Variants in ZDHHC14 observed in about 807,000 individuals in gnomAD.
ZDHHC14 encodes palmitoyltransferase ZDHHC14.
A neutral mutation model predicts 47.7 loss-of-function variants in ZDHHC14; 16 were observed. The observed-to-expected ratio is 0.34, with a 90% CI of 0.23 to 0.51. The LOEUF (loss-of-function observed/expected upper bound fraction) is 0.51. Ranked by LOEUF, ZDHHC14 falls within the 20% of genes least tolerant of loss-of-function variation. ZDHHC14 has a pLI of 0.97. For synonymous variants in ZDHHC14, 293 were observed against 278.9 expected (o/e 1.05, Z -0.50); for missense variants, 515 against 662.5 (o/e 0.78, Z 2.44).
At chr6:157,554,060 A>G (rs530739065) in intron 2 of ZDHHC14, among the ~76,000 whole-genome samples, 2 of 152,376 alleles carry the variant, frequency 1.3e-5, no homozygotes, top group South Asian at 4.1e-4. Context: ...CCATTTATTC[A>G]GAAACTGTAG....
chr6:157,451,499 C>T (rs976438690), intron 1 of ZDHHC14, among the ~76,000 whole-genome samples: 4 of 152,186 alleles, frequency 2.6e-5, no homozygotes, highest in Non-Finnish European at 5.9e-5. Flanking sequence ...ATTCAGTAAC[C>T]ATCCACTAAT....
intron 1 of ZDHHC14, among the ~76,000 whole-genome samples, chr6:157,389,425 T>A (rs184873584): frequency 3.3e-4 from 51 of 152,344 alleles, no homozygotes; most frequent in African/African-American, 1.2e-3. Context: ...AATACAGTAA[T>A]GGCATCAGTT....
intron 1 of ZDHHC14, among the ~76,000 whole-genome samples, chr6:157,522,835 CCCTT>C (rs1582883447): frequency 7.2e-4 from 18 of 25,110 alleles, no homozygotes; most frequent in African/African-American, 1.7e-3. Flanking sequence ...CTCCCTCCCT[CCCTT>C]CCTTCCTTCC....
intron 1 of ZDHHC14, among the ~76,000 whole-genome samples, chr6:157,490,870 A>T (rs1032709549): frequency 6.6e-6 from 1 of 152,182 alleles, no homozygotes; most frequent in African/African-American, 2.4e-5. Flanking sequence ...GGCACTTTGG[A>T]GGGAGCTCTG....
intron 1 of ZDHHC14, among the ~76,000 whole-genome samples, chr6:157,465,581 C>A (rs984049598): frequency 5.3e-5 from 8 of 151,836 alleles, no homozygotes; most frequent in African/African-American, 1.9e-4. Flanking sequence ...TAGTTAATGC[C>A]GTTCTATTTA....
rs147201658 is a variant in ZDHHC14 at position 157,470,477 on chromosome 6, T to A, written c.246-72108T>A. On this transcript the variant is annotated intron_variant, in intron 1 of 8. Transcript: ENST00000359775. ...TATGTATCAACATGTAAAATGCCCATGATAGTATATGGATTGAAAAAGTGT... is the reference window on the plus strand; with the variant it reads ...TATGTATCAACATGTAAAATGCCCAAGATAGTATATGGATTGAAAAAGTGT... 4.6e-3 allele frequency among the ~76,000 whole-genome samples: 702 copies of A among 152,262 alleles called. 7 individuals are homozygous for A. Among genetic ancestry groups the A allele is most frequent in the East Asian group, 0.017 (87 of 5,182 alleles).
intron 3 of ZDHHC14, among the ~76,000 whole-genome samples, chr6:157,608,666 C>G (rs1784639124): frequency 2.6e-5 from 4 of 152,204 alleles, no homozygotes. Context: ...AGGGCTGCAA[C>G]AGGCCAGGGG....
intron 2 of ZDHHC14, among the ~76,000 whole-genome samples, chr6:157,589,311 T>C (rs111883538): frequency 0.26 from 40,017 of 151,922 alleles, 5,421 homozygotes; most frequent in Middle Eastern, 0.37. Flanking sequence ...TCCTCTGACA[T>C]TGGGGATTAC....
intron 1 of ZDHHC14, among the ~76,000 whole-genome samples, chr6:157,417,110 G>A (rs1777997097): frequency 6.7e-6 from 1 of 149,152 alleles, no homozygotes; most frequent in African/African-American, 2.5e-5. Flanking sequence ...TCACAGGCAT[G>A]AGCCACCGCG....
chr6:157,635,771 C>T (rs963165977), intron 5 of ZDHHC14, among the ~76,000 whole-genome samples: 1 of 152,118 alleles, frequency 6.6e-6, no homozygotes, highest in Non-Finnish European at 1.5e-5. Context: ...TGGCCGTGCC[C>T]GGAGCCTGCA....
chr6:157,614,708 C>T (rs2114928492), intron 3 of ZDHHC14, among the ~76,000 whole-genome samples: 2 of 152,208 alleles, frequency 1.3e-5, no homozygotes, highest in South Asian at 4.1e-4. Flanking sequence ...GACCTGCTTC[C>T]TCACACGGGG....
At chr6:157,643,892 G>A (rs976410863) in intron 5 of ZDHHC14, among the ~76,000 whole-genome samples, 13 of 151,632 alleles carry the variant, frequency 8.6e-5, no homozygotes, top group African/African-American at 2.4e-4. Context: ...TACCTGGGTC[G>A]TAAACTCTTG....
rs1171821046 is a variant in ZDHHC14 at position 157,540,888 on chromosome 6, ATGTGTGTG to A, written c.246-1681_246-1674del. Among the ~76,000 whole-genome samples the A allele has an allele frequency of 7.1e-5, 9 of 127,592 alleles. 1 individual carries two copies. The East Asian group carries it at 1.7e-3, about 24-fold the overall frequency. 83.7% of individuals were successfully genotyped at this position (127,592 alleles called of 152,430 possible). A position where few individuals can be genotyped will look rare whatever the true frequency, so the allele number is the denominator to read the frequency against. On this transcript the variant is annotated intron_variant, in intron 1 of 8. Coordinates refer to ENST00000359775, the MANE Select transcript of ZDHHC14 (RefSeq NM_024630.3). Reference sequence around the variant, plus strand: ...AACATATATAGATATATATGTATGTATGTGTGTGTGTGTGTGTGTGTGTATATATATAT... The same window carrying A: ...AACATATATAGATATATATGTATGTATGTGTGTGTGTGTGTATATATATAT...
chr6:157,522,382 G>T (rs538094172), intron 1 of ZDHHC14, among the ~76,000 whole-genome samples: 3 of 152,272 alleles, frequency 2.0e-5, no homozygotes, highest in Non-Finnish European at 2.9e-5. Context: ...TGAGAAACTG[G>T]TACATCTAGG....
intron 1 of ZDHHC14, among the ~76,000 whole-genome samples, chr6:157,428,206 C>A (rs1210992698): frequency 1.3e-5 from 2 of 152,136 alleles, no homozygotes; most frequent in African/African-American, 2.4e-5. Context: ...TGGGTGGCAG[C>A]AACACAGTAG....
chr6:157,415,582 G>T (rs1777956756), intron 1 of ZDHHC14, among the ~76,000 whole-genome samples: 1 of 152,194 alleles, frequency 6.6e-6, no homozygotes, highest in Non-Finnish European at 1.5e-5. Flanking sequence ...TGGATTAAAA[G>T]TTGGTGGCAA....
intron 1 of ZDHHC14, among the ~76,000 whole-genome samples, chr6:157,438,054 T>C (rs902544742): frequency 2.0e-5 from 3 of 152,198 alleles, no homozygotes; most frequent in Admixed American, 6.5e-5. Context: ...AATTTACAAT[T>C]TTAATCATTT....
At chr6:157,544,474 C>A (rs1361983394) in intron 2 of ZDHHC14, among the ~76,000 whole-genome samples, 1 of 152,100 alleles carries the variant, frequency 6.6e-6, no homozygotes, top group Non-Finnish European at 1.5e-5. Flanking sequence ...CTGGTGAAAC[C>A]CCATCTCTAC....
intron 1 of ZDHHC14, among the ~76,000 whole-genome samples, chr6:157,512,203 C>A (rs1780517342): frequency 6.6e-6 from 1 of 152,194 alleles, no homozygotes; most frequent in Non-Finnish European, 1.5e-5. Context: ...GCTAAAGTCA[C>A]ATGGCAAGTA....
Sources: gnomAD v4.1 joint callset for allele counts (sites outside exome capture counted in the v4.1 genomes callset) on GRCh38, gnomAD v4.1.1 for gene constraint, MANE v1.5 for transcripts, NCBI Gene and HGNC (gene_info 2026-07-23, HGNC 2026-07-21) for gene names.